The following DAW1 variants were observed in gnomAD, a reference collection of about 807,000 sequenced individuals.
DAW1 encodes dynein assembly factor with WD repeats 1.
A neutral mutation model predicts 56.5 loss-of-function variants in DAW1; 47 were observed. The ratio of observed to expected loss-of-function variants is 0.83; its 90% confidence interval spans 0.66 to 1.06. The LOEUF (loss-of-function observed/expected upper bound fraction) is 1.06. DAW1 is among the 50% of genes least tolerant of loss of function. The probability of loss-of-function intolerance (pLI) is 0.00; values close to 1 mark genes in which losing one functional copy is unlikely to be tolerated. For synonymous variants in DAW1, 190 were observed against 179.0 expected (o/e 1.06, Z -0.49); for missense variants, 505 against 499.3 (o/e 1.01, Z -0.11).
At chr2:227,897,313 C>T (rs1162147660) in intron 5 of DAW1, among the ~76,000 whole-genome samples, 4 of 151,950 alleles carry the variant, frequency 2.6e-5, no homozygotes, top group Non-Finnish European at 5.9e-5. Context: ...GAGAGACCAC[C>T]TAGACACTAT....
chr2:227,923,553 G>T (rs1283943736), intron 12 of DAW1, among the ~76,000 whole-genome samples: 3 of 152,212 alleles, frequency 2.0e-5, no homozygotes, highest in South Asian at 2.1e-4. Flanking sequence ...CTCTTCCTAA[G>T]CTTATCATCC....
At chr2:227,878,361 G>A (rs78070945) in intron 1 of DAW1, among the ~76,000 whole-genome samples, 183 of 152,314 alleles carry the variant, frequency 1.2e-3, no homozygotes, top group African/African-American at 4.2e-3. Flanking sequence ...TATGTTTAAA[G>A]TATGTATCTT....
At chr2:227,917,012 G>C (rs1208103271) in intron 10 of DAW1, among the ~76,000 whole-genome samples, 1 of 151,934 alleles carries the variant, frequency 6.6e-6, no homozygotes, top group Non-Finnish European at 1.5e-5. Flanking sequence ...TCATCTCCTT[G>C]ATAACCACAT....
intron 4 of DAW1, among the ~76,000 whole-genome samples, chr2:227,892,932 T>C (rs960888147): frequency 1.3e-5 from 2 of 152,212 alleles, no homozygotes; most frequent in East Asian, 3.8e-4. Context: ...TCACTATTCC[T>C]GTAGGAGAAT....
At chr2:227,895,614 A>T (rs942678069) in intron 5 of DAW1, 1 of 152,172 alleles carries the variant, frequency 6.6e-6, no homozygotes, top group Non-Finnish European at 1.5e-5. Flanking sequence ...CCAGGAGGGG[A>T]TTCATCGGGC....
In DAW1 at chr2:227,915,798, G is replaced by T. The variant is rs1691937118; in HGVS notation, c.974-2982G>T. 2.0e-5 allele frequency among the ~76,000 whole-genome samples: 3 copies of T among 151,974 alleles called. 1 individual carries two copies. Among genetic ancestry groups the T allele is most frequent in the African/African-American group, 7.2e-5 (3 of 41,392 alleles). ...TATCTTATGTGTCATATCCTTAATA[G>T]CCATATATAATGCTACACTGTATCT... On this transcript the variant is annotated intron_variant, in intron 10 of 12. Transcript: ENST00000309931.
intron 10 of DAW1, among the ~76,000 whole-genome samples, chr2:227,911,794 G>A (rs1691833624): frequency 6.6e-6 from 1 of 152,086 alleles, no homozygotes; most frequent in South Asian, 2.1e-4. Context: ...TACCACATAT[G>A]ATGCTGTATA....
chr2:227,914,263 A>C (rs1375485818), intron 10 of DAW1, among the ~76,000 whole-genome samples: 1 of 152,030 alleles, frequency 6.6e-6, no homozygotes, highest in Non-Finnish European at 1.5e-5. Flanking sequence ...TTCTCTGACC[A>C]TAATGTATGA....
chr2:227,899,380 A>G (rs1482141273), intron 6 of DAW1, among the ~76,000 whole-genome samples: 1 of 152,230 alleles, frequency 6.6e-6, no homozygotes, highest in East Asian at 1.9e-4. Flanking sequence ...TAATACCAAA[A>G]GAGAATCCAC....
intron 2 of DAW1, among the ~76,000 whole-genome samples, chr2:227,885,632 T>C (rs1015951556): frequency 7.0e-6 from 1 of 143,806 alleles, no homozygotes; most frequent in Non-Finnish European, 1.5e-5. Context: ...ATCACTCTTT[T>C]CTTTTTTTTC....
intron 7 of DAW1, among the ~76,000 whole-genome samples, chr2:227,903,868 T>C (rs1485981615): frequency 6.6e-6 from 1 of 152,212 alleles, no homozygotes; most frequent in Non-Finnish European, 1.5e-5. Flanking sequence ...AGTTAAAACA[T>C]GGACTGCAAA....
chr2:227,894,139 C>T (rs767490022), intron 5 of DAW1, among the ~76,000 whole-genome samples: 2 of 152,198 alleles, frequency 1.3e-5, no homozygotes, highest in East Asian at 1.9e-4. Flanking sequence ...TGGTGGCTCA[C>T]GCCTGTAATC....
At chr2:227,912,737 T>G (rs1261111324) in intron 10 of DAW1, among the ~76,000 whole-genome samples, 1 of 152,220 alleles carries the variant, frequency 6.6e-6, no homozygotes, top group Non-Finnish European at 1.5e-5. Context: ...GATGGCATAT[T>G]CTGGGTTATC....
chr2:227,902,268 A>G (rs1353674819), intron 6 of DAW1, among the ~76,000 whole-genome samples: 1 of 152,132 alleles, frequency 6.6e-6, no homozygotes, highest in Non-Finnish European at 1.5e-5. Context: ...TTGCCTGATA[A>G]AAGTTAATGT....
chr2:227,888,711 T>G (rs929668792), intron 2 of DAW1, among the ~76,000 whole-genome samples: 2 of 152,228 alleles, frequency 1.3e-5, no homozygotes, highest in Non-Finnish European at 2.9e-5. Flanking sequence ...GTGCATCTTC[T>G]GGACACGTGT....
At position 227,913,917 on chromosome 2, in the gene DAW1, G is replaced by GTCTA. The variant is rs1241864910; in HGVS notation, c.974-4855_974-4852dup. 9.8e-3 allele frequency among the ~76,000 whole-genome samples: 1,156 copies of GTCTA among 117,944 alleles called. 30 individuals are homozygous for GTCTA. Among genetic ancestry groups the GTCTA allele is most frequent in the African/African-American group, 0.018 (619 of 34,584 alleles). 77.4% of individuals were successfully genotyped at this position (117,944 alleles called of 152,430 possible). ...TGTCTGTCTGTCTGTCTGTCTGTCT[G>GTCTA]TCTATCTATCTTCATCATCATCATC... On this transcript the variant is annotated intron_variant, in intron 10 of 12. Coordinates refer to ENST00000309931, the MANE Select transcript of DAW1 (RefSeq NM_178821.3).
chr2:227,873,277 T>G (rs1690800421), intron 1 of DAW1, among the ~76,000 whole-genome samples: 1 of 152,232 alleles, frequency 6.6e-6, no homozygotes, highest in African/African-American at 2.4e-5. Context: ...AAAATTATAT[T>G]TGTCATCATC....
chr2:227,909,614 G>A (rs1265396857), intron 10 of DAW1, among the ~76,000 whole-genome samples: 4 of 152,054 alleles, frequency 2.6e-5, no homozygotes, highest in African/African-American at 9.7e-5. Flanking sequence ...AAAAACTTGG[G>A]GGGACCAATG....
At chr2:227,880,842 T>C (rs183717856) in intron 1 of DAW1, among the ~76,000 whole-genome samples, 8 of 152,236 alleles carry the variant, frequency 5.3e-5, no homozygotes. Flanking sequence ...TTTGAGGTGA[T>C]AGGGAGACAT....
Sources: gnomAD v4.1 joint callset for allele counts (sites outside exome capture counted in the v4.1 genomes callset) on GRCh38, gnomAD v4.1.1 for gene constraint, MANE v1.5 for transcripts, NCBI Gene and HGNC (gene_info 2026-07-23, HGNC 2026-07-21) for gene names.